KLHL29: variants seen among roughly 807,000 people sequenced by gnomAD.
The protein encoded by KLHL29 is kelch like family member 29, also known as kelch-like protein 29.
KLHL29 carries 21 observed loss-of-function variants against 80.4 expected under a neutral mutation model. That is an observed-to-expected ratio of 0.26 (90% CI 0.19 to 0.38). KLHL29 has a LOEUF of 0.38. KLHL29 is among the 10% of genes least tolerant of loss of function. The pLI, the probability that KLHL29 is intolerant of heterozygous loss-of-function variation, is 1.00. For synonymous variants in KLHL29, 511 were observed against 526.8 expected (o/e 0.97, Z 0.41); for missense variants, 867 against 1,223.9 (o/e 0.71, Z 4.35).
chr2:23,532,584 A>G (rs907142246), intron 2 of KLHL29: 5 of 456,574 alleles, frequency 1.1e-5, no homozygotes, highest in African/African-American at 1.0e-4. Context: ...AAGCTAAAAC[A>G]CTTCCTTCAA....
At chr2:23,555,901 G>A in intron 2 of KLHL29, among the ~76,000 whole-genome samples, 1 of 152,240 alleles carries the variant, frequency 6.6e-6, no homozygotes, top group East Asian at 1.9e-4. Flanking sequence ...ATGTGGCATT[G>A]CTGCATTTGG....
chr2:23,600,102 A>T lies in KLHL29; in HGVS notation c.285+37621A>T, dbSNP rs751042616. ...CATATGTTAGCTAGAATGCAGCCCA[A>T]GCTGGAGGTTGGTGACACTGCAGTA... On this transcript the variant is annotated intron_variant, in intron 3 of 13. Transcript: ENST00000486442. Among the ~76,000 whole-genome samples, 97 of 152,240 alleles carry T rather than the reference A, an allele frequency of 6.4e-4. 1 individual carries two copies. The highest frequency in any genetic ancestry group is 1.2e-3 in the Non-Finnish European group (79 of 68,044).
intron 1 of KLHL29, among the ~76,000 whole-genome samples, chr2:23,468,729 G>A (rs902356770): frequency 6.6e-6 from 1 of 152,208 alleles, no homozygotes; most frequent in Non-Finnish European, 1.5e-5. Context: ...GGCTATTTGA[G>A]TGCTTGGGGT....
rs1369729819 is a variant in KLHL29 at position 23,700,588 on chromosome 2, T to C, written c.2106-2598T>C. The stretch of plus-strand genomic sequence containing the variant: ...CAGCAAACGCTACAAACCATGACGT[T>C]TTCCCTAGAGAGCTGGCTGTTAAAC... On this transcript the variant is annotated intron_variant, in intron 11 of 13. Transcript: ENST00000486442. The surrounding 1 kb of genome is among the most constrained non-coding windows in gnomAD (Gnocchi z 4.6). Among the ~76,000 whole-genome samples the C allele has an allele frequency of 6.6e-6, 1 of 152,186 alleles. No homozygotes were observed. Among genetic ancestry groups the C allele is most frequent in the African/African-American group, 2.4e-5 (1 of 41,448 alleles).
intron 1 of KLHL29, among the ~76,000 whole-genome samples, chr2:23,443,909 T>C (rs1663602821): frequency 1.3e-5 from 2 of 152,240 alleles, no homozygotes; most frequent in African/African-American, 4.8e-5. Context: ...ACTTGTCACC[T>C]AATGGCTTTT....
chr2:23,443,368 A>T (rs888326908), intron 1 of KLHL29, among the ~76,000 whole-genome samples: 1 of 152,218 alleles, frequency 6.6e-6, no homozygotes, highest in African/African-American at 2.4e-5. Flanking sequence ...CATCTAACAT[A>T]CAGTCTACAT....
chr2:23,503,304 C>G lies in KLHL29; in HGVS notation c.-46+27637C>G, dbSNP rs1043513927. 1.3e-5 allele frequency among the ~76,000 whole-genome samples: 2 copies of G among 152,138 alleles called. No individual in the cohort carries two copies. Among genetic ancestry groups the G allele is most frequent in the Non-Finnish European group, 2.9e-5 (2 of 68,012 alleles). On this transcript the variant is annotated intron_variant, in intron 2 of 13. Coordinates refer to ENST00000486442, the MANE Select transcript of KLHL29 (RefSeq NM_052920.2). The surrounding 1 kb of genome is among the most constrained non-coding windows in gnomAD (Gnocchi z 4.0). The stretch of plus-strand genomic sequence containing the variant: ...TGACAAATCATTCCCTTGCCTGTGT[C>G]TCGGTTGCCCCATCTGAGCGAGAGG...
At position 23,707,899 on chromosome 2, in the gene KLHL29, G is replaced by C. The variant is rs552618513; in HGVS notation, c.*1235G>C. ...CTGAGAAAAGGGAAGCCAGGAGGGA[G>C]GTCACACCATGGCTCAAAAGGGAAA... On this transcript the variant is annotated 3_prime_UTR_variant, in exon 14 of 14. Transcript: ENST00000486442. The C allele has an allele frequency of 6.6e-6, 1 of 152,284 alleles. No homozygotes were observed. Among genetic ancestry groups the C allele is most frequent in the Non-Finnish European group, 1.5e-5 (1 of 68,110 alleles). 9.4% of individuals were successfully genotyped at this position (152,284 alleles called of 1,614,324 possible).
intron 3 of KLHL29, among the ~76,000 whole-genome samples, chr2:23,568,328 C>T (rs143063171): frequency 1.7e-4 from 26 of 152,262 alleles, no homozygotes; most frequent in South Asian, 1.5e-3. Context: ...AAAGCCATAA[C>T]GGTTCTGTGG....
intron 1 of KLHL29, among the ~76,000 whole-genome samples, chr2:23,396,681 C>T (rs756472337): frequency 3.3e-5 from 5 of 152,160 alleles, no homozygotes; most frequent in Non-Finnish European, 7.3e-5. Context: ...AAAACCAGTG[C>T]TAATCATCAA....
chr2:23,434,684 G>T (rs1412051626), intron 1 of KLHL29, among the ~76,000 whole-genome samples: 4 of 152,240 alleles, frequency 2.6e-5, no homozygotes, highest in African/African-American at 9.6e-5. Context: ...ATTTGGGTCA[G>T]ATGAAGTGGC....
At chr2:23,544,289 A>G (rs1239612484) in intron 2 of KLHL29, among the ~76,000 whole-genome samples, 2 of 152,152 alleles carry the variant, frequency 1.3e-5, no homozygotes, top group Non-Finnish European at 2.9e-5. Flanking sequence ...CTGGGCCAAG[A>G]TACAGCATTG....
chr2:23,702,096 G>A (rs6650797), intron 11 of KLHL29, among the ~76,000 whole-genome samples: 1 of 151,754 alleles, frequency 6.6e-6, no homozygotes, highest in Non-Finnish European at 1.5e-5. Context: ...GTGCTGGGAT[G>A]ATAGGCGTGA....
chr2:23,458,155 G>T (rs921858270), intron 1 of KLHL29, among the ~76,000 whole-genome samples: 1 of 152,244 alleles, frequency 6.6e-6, no homozygotes, highest in Non-Finnish European at 1.5e-5. Flanking sequence ...GGGCCCGTTT[G>T]AGTCACTTAC....
At chr2:23,468,053 GTATGTGCCATAGAC>G (rs1277572956) in intron 1 of KLHL29, among the ~76,000 whole-genome samples, 1 of 152,070 alleles carries the variant, frequency 6.6e-6, no homozygotes, top group Non-Finnish European at 1.5e-5. Context: ...GCTGCCATGT[GTATGTGCCATAGAC>G]TATGTTAAGT....
At chr2:23,683,053 G>A (rs1671136458) in intron 5 of KLHL29, among the ~76,000 whole-genome samples, 1 of 152,246 alleles carries the variant, frequency 6.6e-6, no homozygotes, top group African/African-American at 2.4e-5. Flanking sequence ...AGCAGAAGCA[G>A]GATCCTCAAT....
intron 1 of KLHL29, among the ~76,000 whole-genome samples, chr2:23,442,059 G>A (rs760765897): frequency 6.6e-6 from 1 of 152,088 alleles, no homozygotes. Context: ...AAGCTATCTT[G>A]GGTTATGTGG....
In KLHL29 at chr2:23,478,632, C is replaced by T. The variant is rs142260350; in HGVS notation, c.-46+2965C>T. ...AGCCGAGGACTCAGTTTGCGCAGAG[C>T]CCAAGGCTGAGCCAAGAATGGCATT... is the stretch of plus-strand genomic sequence containing the variant. On this transcript the variant is annotated intron_variant, in intron 2 of 13. Transcript: ENST00000486442. Among the ~76,000 whole-genome samples, 24 of 152,242 alleles carry T rather than the reference C, an allele frequency of 1.6e-4. No homozygotes were observed. In the East Asian group the frequency reaches 3.7e-3, roughly 23 times the overall value.
intron 3 of KLHL29, among the ~76,000 whole-genome samples, chr2:23,612,813 A>G (rs1355443942): frequency 6.6e-6 from 1 of 152,230 alleles, no homozygotes; most frequent in Non-Finnish European, 1.5e-5. Context: ...GGCAGATGAA[A>G]TTAATTCAAA....
Sources: gnomAD v4.1 joint callset for allele counts (sites outside exome capture counted in the v4.1 genomes callset) on GRCh38, gnomAD v4.1.1 for gene constraint, Gnocchi (gnomAD v3.1) non-coding constraint, MANE v1.5 for transcripts, NCBI Gene and HGNC (gene_info 2026-07-23, HGNC 2026-07-21) for gene names.